CAMK1D: variants seen among roughly 807,000 people sequenced by gnomAD.
The protein encoded by CAMK1D is calcium/calmodulin-dependent protein kinase type 1D.
A neutral mutation model predicts 47.7 loss-of-function variants in CAMK1D; 9 were observed. The observed-to-expected ratio is 0.19, with a 90% CI of 0.11 to 0.33. The LOEUF (loss-of-function observed/expected upper bound fraction) is 0.33, where lower values mean the gene tolerates loss of function less well. Among genes scored for constraint, CAMK1D ranks in the 10% least tolerant of loss-of-function variants. The pLI is 1.00. For missense variants in CAMK1D, 291 were observed against 488.7 expected, an observed-to-expected ratio of 0.60 and a Z score of 3.81; for synonymous variants, 184 against 184.9, an observed-to-expected ratio of 0.99 and a Z score of 0.04.
chr10:12,755,603 T>G (rs1836190875), intron 3 of CAMK1D, among the ~76,000 whole-genome samples: 1 of 152,130 alleles, frequency 6.6e-6, no homozygotes. Flanking sequence ...GTTGAACTAG[T>G]TTACAGTCCC....
chr10:12,394,685 C>T (rs1442414424), intron 1 of CAMK1D, among the ~76,000 whole-genome samples: 2 of 152,062 alleles, frequency 1.3e-5, no homozygotes, highest in Non-Finnish European at 2.9e-5. Flanking sequence ...AGGAGATTAG[C>T]AAGCTGGGCA....
intron 3 of CAMK1D, among the ~76,000 whole-genome samples, chr10:12,695,060 A>ATAGATACATACATAGG (rs1554811984): frequency 3.5e-5 from 3 of 86,026 alleles, no homozygotes; most frequent in South Asian, 7.4e-4. Context: ...AGATAGATAG[A>ATAGATACATACATAGG]TAGATACATA....
At chr10:12,441,155 C>T (rs537710216) in intron 1 of CAMK1D, among the ~76,000 whole-genome samples, 10 of 152,336 alleles carry the variant, frequency 6.6e-5, no homozygotes, top group African/African-American at 2.4e-4. Context: ...GTTGTTTGGA[C>T]TTCATTTCTG....
intron 1 of CAMK1D, among the ~76,000 whole-genome samples, chr10:12,533,175 A>G (rs1341554177): frequency 6.6e-6 from 1 of 152,204 alleles, no homozygotes; most frequent in African/African-American, 2.4e-5. Context: ...GTATCAAAAC[A>G]TCTCATTTAC....
At chr10:12,734,969 T>TA (rs1442408139) in intron 3 of CAMK1D, among the ~76,000 whole-genome samples, 1 of 152,216 alleles carries the variant, frequency 6.6e-6, no homozygotes, top group Admixed American at 6.5e-5. Context: ...GGTAAATACT[T>TA]ACTTGTTTCA....
At chr10:12,627,248 A>AT (rs1380273253) in intron 2 of CAMK1D, among the ~76,000 whole-genome samples, 2 of 151,556 alleles carry the variant, frequency 1.3e-5, no homozygotes, top group South Asian at 4.2e-4. Context: ...CGCCCAGCTA[A>AT]TTTTTTTGTA....
intron 1 of CAMK1D, among the ~76,000 whole-genome samples, chr10:12,419,066 C>T (rs540518705): frequency 1.3e-4 from 20 of 152,164 alleles, no homozygotes; most frequent in African/African-American, 4.1e-4. Flanking sequence ...ACCTCACATT[C>T]GGAAAGGTGT....
intron 1 of CAMK1D, among the ~76,000 whole-genome samples, chr10:12,378,843 C>G (rs1838260991): frequency 7.5e-6 from 1 of 133,196 alleles, no homozygotes; most frequent in South Asian, 2.3e-4. Context: ...GATAGTCTTG[C>G]TCTGTCGCCT....
chr10:12,523,214 A>G (rs1301959602), intron 1 of CAMK1D, among the ~76,000 whole-genome samples: 1 of 147,554 alleles, frequency 6.8e-6, no homozygotes, highest in Non-Finnish European at 1.5e-5. Context: ...TGCTCCCCAC[A>G]TTTCAGATGA....
rs191685009 is a variant in CAMK1D, at chr10:12,570,445, G to A, written c.224+17089G>A. ...TGTAATCCCAGCATTTTGGGAGGCC[G>A]AGATGGGTGGATCACCTGAGGTCAG... On this transcript the variant is annotated intron_variant, in intron 2 of 10. Transcript: ENST00000619168. 9.2e-5 allele frequency among the ~76,000 whole-genome samples: 14 copies of A among 152,006 alleles called. No individual in the cohort carries two copies. In the East Asian group the frequency reaches 1.9e-3, roughly 21 times the overall value.
At chr10:12,728,187 G>A (rs1419854921) in intron 3 of CAMK1D, among the ~76,000 whole-genome samples, 1 of 152,154 alleles carries the variant, frequency 6.6e-6, no homozygotes, top group African/African-American at 2.4e-5. Context: ...GAGGGCTTCT[G>A]GAGTCACTGC....
intron 2 of CAMK1D, among the ~76,000 whole-genome samples, chr10:12,626,150 G>A (rs1029752908): frequency 1.4e-4 from 22 of 151,936 alleles, no homozygotes; most frequent in African/African-American, 5.1e-4. Context: ...TATGTGATTA[G>A]TTTTCTTTTA....
intron 6 of CAMK1D, among the ~76,000 whole-genome samples, chr10:12,796,084 C>T (rs1008490808): frequency 6.6e-6 from 1 of 152,210 alleles, no homozygotes; most frequent in South Asian, 2.1e-4. Flanking sequence ...CTTCTCAGAA[C>T]TTGAAGGATA....
At chr10:12,540,711 A>G (rs1000457570) in intron 1 of CAMK1D, among the ~76,000 whole-genome samples, 15 of 152,224 alleles carry the variant, frequency 9.9e-5, no homozygotes, top group African/African-American at 3.6e-4. Context: ...AGAATGTCTC[A>G]TCATGGTTCT....
chr10:12,498,193 C>T (rs1246501419), intron 1 of CAMK1D, among the ~76,000 whole-genome samples: 11 of 152,060 alleles, frequency 7.2e-5, no homozygotes, highest in East Asian at 1.9e-4. Context: ...TCAGGAAGGG[C>T]GGGAGAAAAG....
intron 1 of CAMK1D, among the ~76,000 whole-genome samples, chr10:12,461,563 C>T (rs1428466936): frequency 1.3e-5 from 2 of 151,862 alleles, no homozygotes; most frequent in African/African-American, 4.8e-5. Context: ...GTGGCGTGCA[C>T]CTGTAGTCCC....
chr10:12,479,899 C>A (rs1021598021), intron 1 of CAMK1D, among the ~76,000 whole-genome samples: 12 of 152,160 alleles, frequency 7.9e-5, no homozygotes, highest in African/African-American at 2.9e-4. Flanking sequence ...TCACTGTGTC[C>A]ACAGTTCTCA....
At position 12,666,718 on chromosome 10, in the gene CAMK1D, G is replaced by A. The variant is rs568813298; in HGVS notation, c.225-18G>A. 1.1e-5 allele frequency: 18 copies of A among 1,595,558 alleles called. No individual in the cohort carries two copies. The Middle Eastern group carries it at 5.0e-4, about 44-fold the overall frequency. On this transcript the variant is annotated intron_variant, in intron 2 of 10. Coordinates refer to ENST00000619168, the MANE Select transcript of CAMK1D (RefSeq NM_153498.4). ...TCTAATCATACTCACTATTTTGTGC[G>A]TCTATTTTTTTTTTCAGGATTAAGC...
chr10:12,368,071 A>G (rs1837894668), intron 1 of CAMK1D, among the ~76,000 whole-genome samples: 1 of 152,128 alleles, frequency 6.6e-6, no homozygotes, highest in South Asian at 2.1e-4. Context: ...GGGCGCCTGT[A>G]GTCCCAGCTA....
Sources: allele counts gnomAD v4.1 joint callset (sites outside exome capture counted in the v4.1 genomes callset), GRCh38; gene constraint gnomAD v4.1.1; transcripts MANE v1.5; gene names NCBI Gene and HGNC (gene_info 2026-07-23, HGNC 2026-07-21).